RAF1: variants seen among roughly 807,000 people sequenced by gnomAD.
RAF1 encodes Raf-1 proto-oncogene, serine/threonine kinase.
RAF1 carries 27 observed loss-of-function variants against 81.1 expected under a neutral mutation model. That is an observed-to-expected ratio of 0.33 (90% CI 0.25 to 0.46). The LOEUF is 0.46. RAF1 is among the 20% of genes least tolerant of loss of function. The probability of loss-of-function intolerance (pLI) is 1.00; values close to 1 mark genes in which losing one functional copy is unlikely to be tolerated. For missense variants in RAF1, 598 were observed against 826.0 expected (o/e 0.72, Z 3.38); for synonymous variants, 298 against 294.0 (o/e 1.01, Z -0.14).
chr3:12,597,290 T>G (rs2058715814), intron 11 of RAF1, among the ~76,000 whole-genome samples: 1 of 152,174 alleles, frequency 6.6e-6, no homozygotes. Context: ...TATCACAGTT[T>G]GAAAGCTCAC....
rs753466120 is a variant in RAF1 at position 12,600,142 on chromosome 3, C to T, written c.1050+10G>A. Reference sequence around the variant, plus strand: ...CCTAATTGGCAGGAGGTACTGTTGTCTATACTCACAATTTTGTTTTTCTCC... The same window carrying T: ...CCTAATTGGCAGGAGGTACTGTTGTTTATACTCACAATTTTGTTTTTCTCC... On this transcript the variant is annotated intron_variant, in intron 10 of 17. Coordinates refer to ENST00000442415, the MANE Select transcript of RAF1 (RefSeq NM_001354689.3). 1 of 1,614,012 alleles carries T rather than the reference C, an allele frequency of 6.2e-7. No individual in the cohort carries two copies. The highest frequency in any genetic ancestry group is 2.2e-5 in the East Asian group (1 of 44,892).
intron 9 of RAF1, 34 bp downstream of exon 8, chr3:12,600,354 C>CAAT: frequency 6.2e-7 from 1 of 1,614,030 alleles, no homozygotes; most frequent in Non-Finnish European, 8.5e-7. Context: ...AAAAAAAGCC[C>CAAT]ATTATTGTTG....
intron 11 of RAF1, among the ~76,000 whole-genome samples, chr3:12,596,186 T>C (rs1228560564): frequency 1.8e-5 from 2 of 113,942 alleles, no homozygotes; most frequent in Non-Finnish European, 3.4e-5. Flanking sequence ...TAGAAAGAAT[T>C]TTTCTTTCTT....
rs2059134982 is a variant in RAF1, at chr3:12,609,233, A to G, written c.423T>C (p.Phe141=). 6.2e-7 allele frequency: 1 copy of G among 1,602,486 alleles called. No homozygotes were observed. The highest frequency in any genetic ancestry group is 8.6e-7 in the Non-Finnish European group (1 of 1,169,392). The stretch of plus-strand genomic sequence containing the variant: ...GAAAGAGAAGAGATCTGCAACTTAC[A>G]AAGTTGTGTGTTGTGAGGGGAACAT... The change falls in exon 4 of 18, where the codon TTT becomes TTC. Residue 141 remains phenylalanine (F), a splice_region_variant and synonymous_variant. Transcript: ENST00000442415.
At chr3:12,612,384 C>G (rs947557580) in intron 2 of RAF1, among the ~76,000 whole-genome samples, 1 of 152,116 alleles carries the variant, frequency 6.6e-6, no homozygotes, top group African/African-American at 2.4e-5. Flanking sequence ...CACGGTGGCT[C>G]ACGCCTGTAA....
intron 1 of RAF1, among the ~76,000 whole-genome samples, chr3:12,634,799 C>T (rs755948177): frequency 5.9e-5 from 9 of 152,132 alleles, no homozygotes; most frequent in Non-Finnish European, 1.3e-4. Flanking sequence ...AGTATATCCT[C>T]TCCCCTTTGG....
intron 1 of RAF1, 89 bp from the exon 2 acceptor site, chr3:12,618,836 C>T: frequency 9.3e-7 from 1 of 1,072,440 alleles, no homozygotes; most frequent in Non-Finnish European, 1.4e-6. Context: ...GAAAATAGCA[C>T]TATGTGGGTT....
intron 11 of RAF1, among the ~76,000 whole-genome samples, chr3:12,596,162 C>A (rs2058679427): frequency 6.7e-6 from 1 of 148,838 alleles, no homozygotes; most frequent in African/African-American, 2.5e-5. Context: ...GTGTGAACCA[C>A]CACACCTGGC....
chr3:12,609,000 A>C, intron 4 of RAF1, 77 bp from the exon 5 acceptor site: 1 of 1,550,246 alleles, frequency 6.5e-7, no homozygotes, highest in East Asian at 2.3e-5. Context: ...CTTGGCCTCC[A>C]AAAAAGTTTT....
intron 1 of RAF1, among the ~76,000 whole-genome samples, chr3:12,642,777 G>A (rs1474133585): frequency 1.3e-5 from 2 of 151,298 alleles, no homozygotes; most frequent in East Asian, 1.9e-4. Flanking sequence ...GCAGGGCCAG[G>A]GGGTGGGAGG....
chr3:12,641,938 G>A (rs1018245058), intron 1 of RAF1, among the ~76,000 whole-genome samples: 2 of 151,552 alleles, frequency 1.3e-5, no homozygotes, highest in Non-Finnish European at 2.9e-5. Context: ...CTGAGGTCAG[G>A]AGTTCGAGAC....
intron 1 of RAF1, among the ~76,000 whole-genome samples, chr3:12,637,813 A>G (rs2060076228): frequency 6.6e-6 from 1 of 151,828 alleles, no homozygotes; most frequent in Non-Finnish European, 1.5e-5. Context: ...AAATTGCACT[A>G]CTCCACTCCA....
chr3:12,590,686 A>G, intron 13 of RAF1, 112 bp downstream of exon 12: 1 of 1,254,488 alleles, frequency 8.0e-7, no homozygotes, highest in African/African-American at 1.5e-5. Context: ...AGGCTTGTGC[A>G]AAGATATCAC....
At chr3:12,603,327 AAAAG>A (rs781549219) in intron 8 of RAF1, 86 of 547,008 alleles carry the variant, frequency 1.6e-4, no homozygotes, top group Middle Eastern at 5.6e-4. Flanking sequence ...AAAAATTTTA[AAAAG>A]AAAGAAAGAA....
intron 1 of RAF1, among the ~76,000 whole-genome samples, chr3:12,624,885 CAA>C (rs11298876): frequency 2.0e-4 from 22 of 111,708 alleles, no homozygotes; most frequent in Non-Finnish European, 3.0e-4. Flanking sequence ...GACTCCAACT[CAA>C]AAAAAAAAAA....
intron 17 of RAF1, 22 bp from the exon 17 acceptor site, chr3:12,584,679 C>T (rs2125317662): frequency 5.0e-6 from 8 of 1,614,076 alleles, no homozygotes; most frequent in Non-Finnish European, 6.8e-6. Context: ...CCCAAGAATG[C>T]TCTCATTAGC....
chr3:12,596,360 A>AT (rs1208305804), intron 11 of RAF1, among the ~76,000 whole-genome samples: 2 of 151,656 alleles, frequency 1.3e-5, no homozygotes, highest in African/African-American at 4.8e-5. Context: ...CACCCGGCTA[A>AT]TTTTTTTATT....
intron 1 of RAF1, among the ~76,000 whole-genome samples, chr3:12,620,418 A>G (rs1684003054): frequency 6.6e-6 from 1 of 152,134 alleles, no homozygotes; most frequent in African/African-American, 2.4e-5. Context: ...TACAGGCATG[A>G]GCCACCGTGC....
At chr3:12,605,250 A>ATGTGTGTGTGTGTGTGTG (rs139616156) in intron 6 of RAF1, among the ~76,000 whole-genome samples, 5,723 of 144,490 alleles carry the variant, frequency 0.04, 151 homozygotes, top group Non-Finnish European at 0.052. Flanking sequence ...ATTACACATT[A>ATGTGTGTGTGTGTGTGTG]TGTGTGTGTG....
Sources: allele counts gnomAD v4.1 joint callset (sites outside exome capture counted in the v4.1 genomes callset), GRCh38; gene constraint gnomAD v4.1.1; transcripts MANE v1.5; gene names NCBI Gene and HGNC (gene_info 2026-07-23, HGNC 2026-07-21).